The following RHOH variants were observed in gnomAD, a reference collection of about 807,000 sequenced individuals.
The protein encoded by RHOH is ras homolog family member H.
RHOH carries 6 observed loss-of-function variants against 13.8 expected under a neutral mutation model. That is an observed-to-expected ratio of 0.44 (90% CI 0.24 to 0.86). The LOEUF (loss-of-function observed/expected upper bound fraction) is 0.86. Among genes scored for constraint, RHOH ranks in the 40% least tolerant of loss-of-function variants. The pLI is 0.24. For synonymous variants in RHOH, 117 were observed against 103.0 expected, an observed-to-expected ratio of 1.14 and a Z score of -0.82; for missense variants, 147 against 244.5, an observed-to-expected ratio of 0.60 and a Z score of 2.66.
rs1322197118 is a variant in RHOH, at chr4:40,242,816, C to T, written c.-228C>T. 6.6e-6 allele frequency: 1 copy of T among 152,444 alleles called. No individual in the cohort carries two copies. The highest frequency in any genetic ancestry group is 1.5e-5 in the Non-Finnish European group (1 of 68,184). The allele number at this position is 152,444 out of a possible 1,614,324, so 9.4% of individuals were successfully genotyped here. On this transcript the variant is annotated 5_prime_UTR_variant, in exon 2 of 3. Transcript: ENST00000381799. ...AAGCCGACAGAGAGCTGTTTGGAAA[C>T]TTCTCCTTCACACACCAGGTTGCTA... is the stretch of plus-strand genomic sequence containing the variant.
intron 1 of RHOH, among the ~76,000 whole-genome samples, chr4:40,211,307 C>T (rs947638779): frequency 7.2e-5 from 11 of 151,834 alleles, no homozygotes; most frequent in Admixed American, 1.3e-4. Context: ...TCTTTCTCAC[C>T]GAGGCCAGAG....
upstream of RHOH, among the ~76,000 whole-genome samples, chr4:40,192,500 T>C (rs1257301799): frequency 6.6e-6 from 1 of 152,242 alleles, no homozygotes; most frequent in Non-Finnish European, 1.5e-5. Flanking sequence ...GAGTTTTCGC[T>C]GGCGTAAGTG....
intron 1 of RHOH, among the ~76,000 whole-genome samples, chr4:40,225,304 T>C (rs1727089237): frequency 1.3e-5 from 2 of 152,072 alleles, no homozygotes; most frequent in African/African-American, 2.4e-5. Context: ...CAGGCTGGTC[T>C]CAAACTCCTG....
At position 40,243,268 on chromosome 4, in the gene RHOH, G is replaced by A; in HGVS notation, c.-119G>A. On this transcript the variant is annotated 5_prime_UTR_variant, in exon 3 of 3. Transcript: ENST00000381799. The surrounding 1 kb of genome is among the most constrained non-coding windows in gnomAD (Gnocchi z 6.2). ...TCTGCAAATCGCCGTCAGAGGTCCT[G>A]AGGACACAGACCTACCTGGCTTGCA... 2 of 806,748 alleles carry A rather than the reference G, an allele frequency of 2.5e-6. No individual in the cohort carries two copies. The highest frequency in any genetic ancestry group is 2.0e-5 in the South Asian group (1 of 49,676). The allele number at this position is 806,748 out of a possible 1,614,324, so 50.0% of individuals were successfully genotyped here.
At chr4:40,224,771 G>A (rs1252364405) in intron 1 of RHOH, among the ~76,000 whole-genome samples, 1 of 152,222 alleles carries the variant, frequency 6.6e-6, no homozygotes, top group African/African-American at 2.4e-5. Flanking sequence ...AACAGAACTC[G>A]AGTTACCTCA....
chr4:40,235,148 C>A (rs1728393701), intron 1 of RHOH: 1 of 152,102 alleles, frequency 6.6e-6, no homozygotes, highest in Non-Finnish European at 1.5e-5. Flanking sequence ...AGGTGGTAAC[C>A]TTATTTTTAA....
At chr4:40,191,164 T>G (rs1323163526), upstream of RHOH, 1 of 152,214 alleles carries the variant, frequency 6.6e-6, no homozygotes, top group African/African-American at 2.4e-5. Flanking sequence ...CTCGGGCCCT[T>G]GACCCAAAGA....
intron 1 of RHOH, among the ~76,000 whole-genome samples, chr4:40,224,917 A>C (rs1417593949): frequency 6.6e-6 from 1 of 152,138 alleles, no homozygotes; most frequent in Admixed American, 6.6e-5. Flanking sequence ...AATTATTGTT[A>C]TTATTTTTTA....
At position 40,243,157 on chromosome 4, in the gene RHOH, C is replaced by A; in HGVS notation, c.-209-21C>A. On this transcript the variant is annotated intron_variant, in intron 2 of 2. Coordinates refer to ENST00000381799, the MANE Select transcript of RHOH (RefSeq NM_004310.5). This position sits in a 1 kb window ranked among gnomAD's most constrained non-coding sequence, Gnocchi z 6.2. ...AGAAAGAAAGAAAGACTTCATTTTC[C>A]CCCTTCTCTTTCTGTTCCAGTTGAA... 4.6e-6 allele frequency: 2 copies of A among 434,442 alleles called. No individual in the cohort carries two copies. Among genetic ancestry groups the A allele is most frequent in the Non-Finnish European group, 8.2e-6 (2 of 243,852 alleles). 26.9% of individuals were successfully genotyped at this position (434,442 alleles called of 1,614,324 possible).
At chr4:40,213,523 A>C (rs192192085) in intron 1 of RHOH, among the ~76,000 whole-genome samples, 5 of 152,214 alleles carry the variant, frequency 3.3e-5, no homozygotes, top group African/African-American at 1.2e-4. Flanking sequence ...CAAAACAAAA[A>C]TTCTCTAAAA....
upstream of RHOH, among the ~76,000 whole-genome samples, chr4:40,195,622 T>C (rs1158025389): frequency 6.6e-6 from 1 of 152,044 alleles, no homozygotes; most frequent in Non-Finnish European, 1.5e-5. Flanking sequence ...GCCCAGCTAA[T>C]TTTTGTAGAG....
At chr4:40,239,237 G>T (rs1038536521) in intron 1 of RHOH, among the ~76,000 whole-genome samples, 1 of 152,166 alleles carries the variant, frequency 6.6e-6, no homozygotes, top group African/African-American at 2.4e-5. Context: ...GGAAACTGAG[G>T]CCCTGAAAGC....
chr4:40,195,225 A>G (rs1241190998), upstream of RHOH, among the ~76,000 whole-genome samples: 1 of 152,148 alleles, frequency 6.6e-6, no homozygotes, highest in African/African-American at 2.4e-5. Flanking sequence ...GATGCTCTAA[A>G]TCCTTTGATG....
chr4:40,221,036 T>C (rs1726492513), intron 1 of RHOH, among the ~76,000 whole-genome samples: 1 of 152,234 alleles, frequency 6.6e-6, no homozygotes, highest in Admixed American at 6.5e-5. Flanking sequence ...AATAAACTTG[T>C]GTTCTTAGAT....
chr4:40,225,677 C>G (rs180718344), intron 1 of RHOH, among the ~76,000 whole-genome samples: 41 of 152,304 alleles, frequency 2.7e-4, no homozygotes, highest in African/African-American at 9.9e-4. Context: ...TGTAAGAAAT[C>G]AGGCTTGTAG....
At chr4:40,205,043 A>T (rs1724483117) in intron 1 of RHOH, among the ~76,000 whole-genome samples, 1 of 152,140 alleles carries the variant, frequency 6.6e-6, no homozygotes, top group Non-Finnish European at 1.5e-5. Flanking sequence ...CAGGCAGATC[A>T]TCTGAGGTCA....
At chr4:40,235,597 AAAAAAAAAAAAG>A (rs1728463600) in intron 1 of RHOH, among the ~76,000 whole-genome samples, 1 of 148,442 alleles carries the variant, frequency 6.7e-6, no homozygotes, top group African/African-American at 2.5e-5. Flanking sequence ...TCTCAAAAAA[AAAAAAAAAAAAG>A]AAAAAAGAAA....
intron 1 of RHOH, among the ~76,000 whole-genome samples, chr4:40,202,761 A>G (rs1038387850): frequency 2.6e-5 from 4 of 152,196 alleles, no homozygotes; most frequent in Admixed American, 1.3e-4. Context: ...GAAATAGCCC[A>G]GAGAAAAACT....
intron 1 of RHOH, among the ~76,000 whole-genome samples, chr4:40,227,951 T>C (rs1338054704): frequency 6.6e-6 from 1 of 152,158 alleles, no homozygotes; most frequent in Non-Finnish European, 1.5e-5. Flanking sequence ...ATTGGTTCAA[T>C]TTTTTATCTC....
Sources: gnomAD v4.1 joint callset for allele counts (sites outside exome capture counted in the v4.1 genomes callset) on GRCh38, gnomAD v4.1.1 for gene constraint, Gnocchi (gnomAD v3.1) non-coding constraint, MANE v1.5 for transcripts, NCBI Gene and HGNC (gene_info 2026-07-23, HGNC 2026-07-21) for gene names.